Variants in SLC9D1 observed in about 807,000 individuals in gnomAD.
SLC9D1 encodes solute carrier family 9 member D1, also known as putative LAG1-interacting protein.
chr13:113,492,546 A>C, the SLC9D1 span, among the ~76,000 whole-genome samples: 7 of 152,322 alleles, frequency 4.6e-5, no homozygotes, highest in Middle Eastern at 3.4e-3. Context: ...AATAAAATTG[A>C]GATTTTTTTT....
At chr13:113,494,901 G>C in the SLC9D1 span, among the ~76,000 whole-genome samples, 1 of 149,280 alleles carries the variant, frequency 6.7e-6, no homozygotes, top group South Asian at 2.1e-4. Flanking sequence ...TTTTTTTTTT[G>C]AGACAGAGTT....
At chr13:113,494,761 G>A in the SLC9D1 span, among the ~76,000 whole-genome samples, 2 of 152,184 alleles carry the variant, frequency 1.3e-5, no homozygotes, top group African/African-American at 2.4e-5. Context: ...AGCCTGCAGA[G>A]CTAACAGTAG....
the SLC9D1 span, chr13:113,539,587 T>A: frequency 1.4e-6 from 2 of 1,413,434 alleles, no homozygotes; most frequent in Non-Finnish European, 1.9e-6. The surrounding 1 kb of genome is among the most constrained non-coding windows in gnomAD (Gnocchi z 4.8). Context: ...CGTGCATATA[T>A]ATTTATATAG....
At chr13:113,497,620 T>C in the SLC9D1 span, among the ~76,000 whole-genome samples, 1 of 150,370 alleles carries the variant, frequency 6.7e-6, no homozygotes, top group Admixed American at 6.6e-5. Flanking sequence ...GTGTGAGACC[T>C]GCAGCTGTGT....
the SLC9D1 span, among the ~76,000 whole-genome samples, chr13:113,524,888 A>G: frequency 6.6e-6 from 1 of 151,628 alleles, no homozygotes; most frequent in Admixed American, 6.6e-5. Flanking sequence ...TCAGGTAAAT[A>G]TTGATATGTT....
At chr13:113,520,693 A>T in the SLC9D1 span, 1 of 1,613,986 alleles carries the variant, frequency 6.2e-7, no homozygotes, top group Non-Finnish European at 8.5e-7. Flanking sequence ...CATGGCCGTC[A>T]TGCCGACTCT....
the SLC9D1 span, chr13:113,539,262 G>A: frequency 1.1e-4 from 135 of 1,186,256 alleles, no homozygotes; most frequent in African/African-American, 1.8e-3. The surrounding 1 kb of genome is among the most constrained non-coding windows in gnomAD (Gnocchi z 4.8). Context: ...GTGTTTTGTC[G>A]TGGTGGCTCT....
At chr13:113,539,951 G>GT in the SLC9D1 span, among the ~76,000 whole-genome samples, 1 of 152,158 alleles carries the variant, frequency 6.6e-6, no homozygotes, top group African/African-American at 2.4e-5. This position sits in a 1 kb window ranked among gnomAD's most constrained non-coding sequence, Gnocchi z 4.8. Flanking sequence ...GCTCCCACTT[G>GT]TAAGTGAGAA....
the SLC9D1 span, among the ~76,000 whole-genome samples, chr13:113,506,322 G>A: frequency 2.4e-5 from 3 of 124,108 alleles, no homozygotes; most frequent in Admixed American, 7.9e-5. Context: ...AGGCTGTTAT[G>A]GGTGGGGAGG....
chr13:113,495,064 G>A, the SLC9D1 span, among the ~76,000 whole-genome samples: 1 of 152,126 alleles, frequency 6.6e-6, no homozygotes, highest in Non-Finnish European at 1.5e-5. Flanking sequence ...ATGTTAACCA[G>A]GCTGGTCTTG....
the SLC9D1 span, among the ~76,000 whole-genome samples, chr13:113,519,641 C>T: frequency 2.6e-5 from 4 of 152,020 alleles, no homozygotes; most frequent in Non-Finnish European, 5.9e-5. Flanking sequence ...AGGCTCATTC[C>T]GTGTGGTGGC....
the SLC9D1 span, among the ~76,000 whole-genome samples, chr13:113,512,775 G>A: frequency 0.03 from 2,566 of 85,386 alleles, no homozygotes; most frequent in African/African-American, 0.071. Context: ...GGAGCCCCAG[G>A]TGCTGGGACT....
chr13:113,495,657 G>A, the SLC9D1 span: 9 of 1,603,362 alleles, frequency 5.6e-6, no homozygotes, highest in Admixed American at 1.7e-5. Context: ...TGTGGAGCAC[G>A]AGGAGGTGGC....
the SLC9D1 span, chr13:113,524,203 G>A: frequency 2.2e-6 from 1 of 455,496 alleles, no homozygotes; most frequent in Non-Finnish European, 4.4e-6. Flanking sequence ...TCCCCCGTTA[G>A]AATTGGATAT....
the SLC9D1 span, among the ~76,000 whole-genome samples, chr13:113,530,790 C>G: frequency 3.3e-5 from 5 of 152,138 alleles, no homozygotes; most frequent in African/African-American, 7.2e-5. Context: ...GCTTATGTTT[C>G]TTATTTTATA....
chr13:113,548,254 T>G, the SLC9D1 span: 1 of 1,603,396 alleles, frequency 6.2e-7, no homozygotes, highest in Non-Finnish European at 8.5e-7. Context: ...TGTGTTTAAC[T>G]CTGTGTGGGT....
chr13:113,509,360 G>A, the SLC9D1 span, among the ~76,000 whole-genome samples: 1 of 148,190 alleles, frequency 6.7e-6, no homozygotes, highest in Admixed American at 6.7e-5. Context: ...GCCTATGTTG[G>A]GGCTGGTGGG....
chr13:113,509,363 C>A, the SLC9D1 span, among the ~76,000 whole-genome samples: 1 of 138,096 alleles, frequency 7.2e-6, no homozygotes, highest in Admixed American at 7.4e-5. Flanking sequence ...TATGTTGGGG[C>A]TGGTGGGCTT....
chr13:113,511,261 T>C, the SLC9D1 span, among the ~76,000 whole-genome samples: 1 of 152,228 alleles, frequency 6.6e-6, no homozygotes, highest in Non-Finnish European at 1.5e-5. Context: ...AATGTCACAG[T>C]CACTTCACTC....
Sources: allele counts gnomAD v4.1 joint callset (sites outside exome capture counted in the v4.1 genomes callset), GRCh38; gene constraint gnomAD v4.1.1; non-coding constraint Gnocchi (gnomAD v3.1); transcripts MANE v1.5; gene names NCBI Gene and HGNC (gene_info 2026-07-23, HGNC 2026-07-21).